Variants in PTPRD observed in about 807,000 individuals in gnomAD.
PTPRD encodes the protein receptor-type tyrosine-protein phosphatase delta.
Under a neutral mutation model 214.5 loss-of-function variants are expected in PTPRD, and 34 were observed. The ratio of observed to expected loss-of-function variants is 0.16; its 90% CI spans 0.12 to 0.21. PTPRD has a LOEUF of 0.21. PTPRD is among the 10% of genes least tolerant of loss of function. PTPRD has a pLI of 1.00. For missense variants in PTPRD, 2,545 were observed against 2,398.7 expected (o/e 1.06, Z -1.27); for synonymous variants, 1,128 against 845.7 (o/e 1.33, Z -5.79).
intron 2 of PTPRD, among the ~76,000 whole-genome samples, chr9:10,569,905 G>C (rs887267507): frequency 2.0e-5 from 3 of 151,990 alleles, no homozygotes; most frequent in African/African-American, 4.8e-5. Context: ...AGTAGTTCTA[G>C]TGTTACTCAT....
intron 2 of PTPRD, among the ~76,000 whole-genome samples, chr9:10,397,845 A>G (rs574379705): frequency 2.0e-5 from 3 of 151,946 alleles, no homozygotes; most frequent in African/African-American, 4.8e-5. Context: ...ATAGTAGGCA[A>G]TATCATATAG....
chr9:8,878,605 G>A (rs752481684), intron 11 of PTPRD, among the ~76,000 whole-genome samples: 24 of 151,856 alleles, frequency 1.6e-4, no homozygotes, highest in Non-Finnish European at 2.4e-4. Flanking sequence ...ATAGCTCATC[G>A]TGGTCTCAAA....
intron 8 of PTPRD, among the ~76,000 whole-genome samples, chr9:9,441,197 T>C (rs2087577768): frequency 6.6e-6 from 1 of 152,132 alleles, no homozygotes; most frequent in Admixed American, 6.5e-5. Flanking sequence ...ACGACAAGAC[T>C]CCAGGCAGCT....
Position 9,264,807 on chromosome 9 carries a change from C to G in PTPRD, c.-202-81444G>C, listed in dbSNP as rs186021000. On this transcript the variant is annotated intron_variant, in intron 9 of 45. Transcript: ENST00000381196. ...GCAAGAGAATTGTGTATGTCATAAA[C>G]AAGAGATCCTCCATGAGATTATCAG... 9.3e-5 allele frequency among the ~76,000 whole-genome samples: 14 copies of G among 150,246 alleles called. No individual in the cohort carries two copies. In the East Asian group the frequency reaches 2.8e-3, roughly 30 times the overall value.
At chr9:9,472,532 C>G (rs942921630) in intron 8 of PTPRD, among the ~76,000 whole-genome samples, 1 of 152,156 alleles carries the variant, frequency 6.6e-6, no homozygotes, top group Non-Finnish European at 1.5e-5. Flanking sequence ...CACTTGCAAT[C>G]TCACATACTT....
chr9:9,252,516 C>G (rs561685272), intron 9 of PTPRD, among the ~76,000 whole-genome samples: 1 of 152,118 alleles, frequency 6.6e-6, no homozygotes, highest in South Asian at 2.1e-4. Context: ...GCTTCTTGCT[C>G]TCAGATCCCA....
At chr9:8,498,514 G>C (rs1007544284) in intron 25 of PTPRD, among the ~76,000 whole-genome samples, 1 of 152,154 alleles carries the variant, frequency 6.6e-6, no homozygotes, top group African/African-American at 2.4e-5. Context: ...TTGACCAGGG[G>C]ATCCGTCCGC....
chr9:8,392,089 G>T (rs2089777734), intron 36 of PTPRD, among the ~76,000 whole-genome samples: 1 of 152,054 alleles, frequency 6.6e-6, no homozygotes, highest in South Asian at 2.1e-4. Flanking sequence ...AATGCTTTAA[G>T]AATTTAGGAA....
At chr9:8,379,484 G>A (rs1425570967) in intron 37 of PTPRD, among the ~76,000 whole-genome samples, 1 of 152,052 alleles carries the variant, frequency 6.6e-6, no homozygotes, top group Non-Finnish European at 1.5e-5. Flanking sequence ...TATGATTTCT[G>A]ATTTCAGCAT....
chr9:8,436,765 T>C, intron 34 of PTPRD, 76 bp from the exon 35 acceptor site: 1 of 1,146,572 alleles, frequency 8.7e-7, no homozygotes, highest in Admixed American at 1.9e-5. Context: ...ATATAGAGAA[T>C]ACTATAGTTA....
At chr9:9,806,068 C>T (rs1336920683) in intron 5 of PTPRD, among the ~76,000 whole-genome samples, 1 of 151,994 alleles carries the variant, frequency 6.6e-6, no homozygotes, top group East Asian at 1.9e-4. Flanking sequence ...AAAATAGTAA[C>T]AGGAGATGAA....
chr9:9,483,851 T>C (rs954626054), intron 8 of PTPRD, among the ~76,000 whole-genome samples: 3 of 151,758 alleles, frequency 2.0e-5, no homozygotes, highest in African/African-American at 7.3e-5. Flanking sequence ...ACCTGCCTAC[T>C]TCTCTGAAGT....
chr9:9,844,071 T>C (rs1012423208), intron 5 of PTPRD, among the ~76,000 whole-genome samples: 6 of 152,164 alleles, frequency 3.9e-5, no homozygotes, highest in Admixed American at 2.0e-4. Context: ...GGTACTTTAA[T>C]GACTTTGGAT....
At chr9:10,038,679 T>C (rs1273840669) in intron 3 of PTPRD, among the ~76,000 whole-genome samples, 1 of 152,154 alleles carries the variant, frequency 6.6e-6, no homozygotes, top group Non-Finnish European at 1.5e-5. Context: ...CACTTCAACA[T>C]TACACCTTGA....
chr9:8,603,391 G>T (rs2094989917), intron 14 of PTPRD, among the ~76,000 whole-genome samples: 1 of 152,134 alleles, frequency 6.6e-6, no homozygotes, highest in Non-Finnish European at 1.5e-5. Flanking sequence ...GAGTAGAAAG[G>T]CTGGGTCTTT....
rs368045461 is a variant in PTPRD, at chr9:10,435,840, T to C, written c.-599-94823A>G. Among the ~76,000 whole-genome samples, 9 of 151,844 alleles carry C rather than the reference T, an allele frequency of 5.9e-5. 1 individual carries two copies. The East Asian group carries it at 7.7e-4, about 13-fold the overall frequency. On this transcript the variant is annotated intron_variant, in intron 2 of 45. Transcript: ENST00000381196. ...AAATCAGTCTACTAAAACAAATCAA[T>C]TATTCAGAAGTGAGTTTTCCAGTGG...
chr9:9,889,797 GTGTGTGTGTGTGTGTA>G (rs1402265490), intron 5 of PTPRD, among the ~76,000 whole-genome samples: 41 of 150,950 alleles, frequency 2.7e-4, no homozygotes, highest in Non-Finnish European at 1.6e-4. Context: ...GAGTGTGTGT[GTGTGTGTGTGTGTGTA>G]TGTGTGTGTG....
At chr9:9,974,873 C>G (rs1240438848) in intron 4 of PTPRD, among the ~76,000 whole-genome samples, 2 of 152,038 alleles carry the variant, frequency 1.3e-5, no homozygotes, top group Non-Finnish European at 2.9e-5. Flanking sequence ...TTGCTGAGTT[C>G]TTTCATTCAG....
intron 5 of PTPRD, among the ~76,000 whole-genome samples, chr9:9,935,109 G>T (rs1290626240): frequency 1.3e-5 from 2 of 152,042 alleles, no homozygotes; most frequent in African/African-American, 4.8e-5. Flanking sequence ...CAAACCCACA[G>T]CCAATATCAT....
Sources: allele counts gnomAD v4.1 joint callset (sites outside exome capture counted in the v4.1 genomes callset), GRCh38; gene constraint gnomAD v4.1.1; transcripts MANE v1.5; gene names NCBI Gene and HGNC (gene_info 2026-07-23, HGNC 2026-07-21).